The following GABRB3 variants were observed in gnomAD, a reference collection of about 807,000 sequenced individuals.
The protein encoded by GABRB3 is gamma-aminobutyric acid receptor subunit beta-3.
A neutral mutation model predicts 52.1 loss-of-function variants in GABRB3; 14 were observed. The ratio of observed to expected loss-of-function variants is 0.27; its 90% CI spans 0.18 to 0.42. The LOEUF (loss-of-function observed/expected upper bound fraction) is 0.42. GABRB3 is among the 10% of genes least tolerant of loss of function. GABRB3 has a pLI of 1.00. For synonymous variants in GABRB3, 260 were observed against 232.3 expected, an observed-to-expected ratio of 1.12 and a Z score of -1.08; for missense variants, 307 against 609.1, an observed-to-expected ratio of 0.50 and a Z score of 5.22.
At chr15:26,573,576 C>T (rs1444588422) in intron 6 of GABRB3, among the ~76,000 whole-genome samples, 1 of 152,204 alleles carries the variant, frequency 6.6e-6, no homozygotes, top group Non-Finnish European at 1.5e-5. Flanking sequence ...GAGAAGGTTA[C>T]TATCCTCTCT....
chr15:26,604,706 T>C (rs1891715081), intron 4 of GABRB3, among the ~76,000 whole-genome samples: 1 of 150,744 alleles, frequency 6.6e-6, no homozygotes, highest in Non-Finnish European at 1.5e-5. Flanking sequence ...GAAAACTGGA[T>C]AACCGGATGC....
At chr15:26,600,902 C>G in intron 4 of GABRB3, among the ~76,000 whole-genome samples, 1 of 152,056 alleles carries the variant, frequency 6.6e-6, no homozygotes, top group East Asian at 1.9e-4. Flanking sequence ...AAACTATTAA[C>G]AACAACTATA....
At chr15:26,559,523 G>T (rs899910007) in intron 8 of GABRB3, among the ~76,000 whole-genome samples, 2 of 152,008 alleles carry the variant, frequency 1.3e-5, no homozygotes, top group Non-Finnish European at 2.9e-5. Flanking sequence ...AAAAATGTGG[G>T]AAGAAACCCA....
intron 3 of GABRB3, among the ~76,000 whole-genome samples, chr15:26,703,670 T>C (rs1044585649): frequency 1.3e-5 from 2 of 152,166 alleles, no homozygotes; most frequent in African/African-American, 4.8e-5. Context: ...ACAAGTTATA[T>C]ACTTTCAAAA....
At chr15:26,662,178 C>CT (rs1392201223) in intron 3 of GABRB3, among the ~76,000 whole-genome samples, 4 of 152,186 alleles carry the variant, frequency 2.6e-5, no homozygotes, top group African/African-American at 9.7e-5. Flanking sequence ...CTGATCTATA[C>CT]TTATCCTCTT....
intron 3 of GABRB3, among the ~76,000 whole-genome samples, chr15:26,668,546 T>G (rs780780041): frequency 9.2e-5 from 14 of 152,096 alleles, no homozygotes; most frequent in Non-Finnish European, 7.4e-5. Context: ...TGTTTTTTTC[T>G]GTCAATTGGC....
intron 3 of GABRB3, among the ~76,000 whole-genome samples, chr15:26,745,044 C>T (rs974538770): frequency 2.6e-5 from 4 of 152,114 alleles, no homozygotes; most frequent in Non-Finnish European, 5.9e-5. Context: ...CAGCACATCC[C>T]TTGGCGAGAA....
rs116865708 is a variant in GABRB3, at chr15:26,614,731, G to A, written c.461+6583C>T. 21 of 152,240 alleles carry A rather than the reference G, an allele frequency of 1.4e-4. No homozygotes were observed. In the Middle Eastern group the frequency reaches 0.014, roughly 99 times the overall value. 9.4% of individuals were successfully genotyped at this position (152,240 alleles called of 1,614,324 possible). A position where few individuals can be genotyped will look rare whatever the true frequency, so the allele number is the denominator to read the frequency against. ...TTTCAGAATAAGATGCTAGTCAAAC[G>A]AATTCGATGATTTAATTTGAATCTT... On this transcript the variant is annotated intron_variant, in intron 4 of 8. Transcript: ENST00000311550.
chr15:26,575,026 T>C (rs564555152), intron 6 of GABRB3, among the ~76,000 whole-genome samples: 1 of 152,350 alleles, frequency 6.6e-6, no homozygotes, highest in African/African-American at 2.4e-5. Context: ...GTTCCTTCTT[T>C]CTTTTCTTTT....
intron 3 of GABRB3, among the ~76,000 whole-genome samples, chr15:26,635,236 A>G (rs1449831207): frequency 2.6e-5 from 4 of 151,690 alleles, no homozygotes; most frequent in Non-Finnish European, 4.4e-5. Context: ...CATATTTCAA[A>G]GGTACTTGAA....
intron 7 of GABRB3, among the ~76,000 whole-genome samples, chr15:26,567,256 T>G (rs2140695694): frequency 6.6e-6 from 1 of 152,370 alleles, no homozygotes; most frequent in Middle Eastern, 3.4e-3. Flanking sequence ...TCAAGTCTTC[T>G]TTCTGGGCCA....
At chr15:26,606,835 T>TAGAC (rs1235514960) in intron 4 of GABRB3, among the ~76,000 whole-genome samples, 1 of 130,730 alleles carries the variant, frequency 7.6e-6, no homozygotes, top group Non-Finnish European at 1.7e-5. Flanking sequence ...GATAGATAGA[T>TAGAC]AGATAGATAT....
intron 3 of GABRB3, among the ~76,000 whole-genome samples, chr15:26,698,069 G>C (rs1042317060): frequency 6.6e-6 from 1 of 152,190 alleles, no homozygotes; most frequent in Non-Finnish European, 1.5e-5. Context: ...CCCAGCAAAA[G>C]AGACACAACA....
intron 3 of GABRB3, chr15:26,625,127 AC>A (rs1892642210): frequency 4.3e-6 from 1 of 230,646 alleles, no homozygotes; most frequent in Non-Finnish European, 7.1e-6. Context: ...AGTTCGGGCC[AC>A]CTCCTTTCAG....
intron 3 of GABRB3, chr15:26,624,603 G>A: frequency 1.0e-6 from 1 of 985,512 alleles, no homozygotes. Flanking sequence ...TGTCTGCTGA[G>A]GTGACTTGAG....
chr15:26,709,972 G>A (rs888157517), intron 3 of GABRB3, among the ~76,000 whole-genome samples: 2 of 152,056 alleles, frequency 1.3e-5, no homozygotes, highest in Non-Finnish European at 2.9e-5. Context: ...TTCACCCCCA[G>A]GCAAGTACTG....
At chr15:26,598,598 AG>A (rs1269632908) in intron 4 of GABRB3, among the ~76,000 whole-genome samples, 4 of 152,210 alleles carry the variant, frequency 2.6e-5, no homozygotes, top group Non-Finnish European at 4.4e-5. Flanking sequence ...CCAAGTCAGC[AG>A]GATGCCAGAT....
At chr15:26,583,907 T>C (rs1890880787) in intron 4 of GABRB3, among the ~76,000 whole-genome samples, 1 of 151,972 alleles carries the variant, frequency 6.6e-6, no homozygotes, top group Non-Finnish European at 1.5e-5. Context: ...CCCGAGTAGC[T>C]GGGACTACAG....
intron 3 of GABRB3, among the ~76,000 whole-genome samples, chr15:26,640,741 T>C (rs1893179430): frequency 2.0e-5 from 3 of 152,230 alleles, no homozygotes; most frequent in African/African-American, 7.2e-5. Flanking sequence ...TTGCAGGCAC[T>C]GCACAGCCAG....
Sources: gnomAD v4.1 joint callset for allele counts (sites outside exome capture counted in the v4.1 genomes callset) on GRCh38, gnomAD v4.1.1 for gene constraint, MANE v1.5 for transcripts, NCBI Gene and HGNC (gene_info 2026-07-23, HGNC 2026-07-21) for gene names.